Variants in PABPN1L observed in about 807,000 individuals in gnomAD.
PABPN1L encodes embryonic polyadenylate-binding protein 2.
A neutral mutation model predicts 34.0 loss-of-function variants in PABPN1L; 45 were observed. That is an observed-to-expected ratio of 1.32 (90% CI 1.04 to 1.70). The LOEUF is 1.70. PABPN1L is among the 40% of genes most tolerant of loss of function. The pLI is 0.00. For synonymous variants in PABPN1L, 182 were observed against 152.1 expected (o/e 1.20, Z -1.45); for missense variants, 459 against 367.8 (o/e 1.25, Z -2.03).
At chr16:88,865,275 G>C in intron 3 of PABPN1L, 147 bp from the exon 4 acceptor site, 1 of 829,718 alleles carries the variant, frequency 1.2e-6, no homozygotes, top group Non-Finnish European at 1.9e-6. Context: ...GCTGGGGTTG[G>C]AGGGAAGAGA....
chr16:88,864,123 C>G (rs1243513280), intron 6 of PABPN1L, 114 bp downstream of exon 6: 1 of 1,364,212 alleles, frequency 7.3e-7, no homozygotes, highest in Non-Finnish European at 9.7e-7. Context: ...ACCCAGGCCC[C>G]GCCAGGTACA....
chr16:88,866,081 G>A, intron 1 of PABPN1L, 140 bp from the exon 2 acceptor site: 1 of 1,364,720 alleles, frequency 7.3e-7, no homozygotes, highest in Non-Finnish European at 9.7e-7. Flanking sequence ...TCCTTCCTGG[G>A]GCAGCTGGCT....
At chr16:88,864,129 GTACA>G (rs1458974727) in intron 6 of PABPN1L, 104 bp downstream of exon 6, 6 of 1,383,246 alleles carry the variant, frequency 4.3e-6, no homozygotes, top group Non-Finnish European at 5.7e-6. Flanking sequence ...GCCCCGCCAG[GTACA>G]TTCCTGCAGC....
upstream of PABPN1L, among the ~76,000 whole-genome samples, chr16:88,867,741 T>C (rs7342794): frequency 0.12 from 18,427 of 152,212 alleles, 2,791 homozygotes; most frequent in African/African-American, 0.36. Flanking sequence ...AGGTGACCCG[T>C]GTCCGCCCTT....
chr16:88,864,947 G>T lies in PABPN1L; in HGVS notation c.567-7C>A. 6.3e-7 allele frequency: 1 copy of T among 1,575,084 alleles called. No individual in the cohort carries two copies. ...AAACTCTATGTAGGCATAACTGAGG[G>T]GAGGGGCAGGGAGGGGAGGGGTGAG... On this transcript the variant is annotated splice_polypyrimidine_tract_variant and splice_region_variant and intron_variant, in intron 4 of 6. Coordinates refer to ENST00000419291, the Ensembl canonical transcript of PABPN1L.
chr16:88,866,591 T>A, exon 1 of PABPN1L: 1 of 1,549,300 alleles, frequency 6.5e-7, no homozygotes, highest in South Asian at 1.2e-5. Context: ...AGAGAGCGGC[T>A]CGGGAAGGGC....
At chr16:88,867,462 C>T (rs1370388397), upstream of PABPN1L, among the ~76,000 whole-genome samples, 1 of 152,152 alleles carries the variant, frequency 6.6e-6, no homozygotes, top group Non-Finnish European at 1.5e-5. Context: ...AACTCCTGAC[C>T]TCAGGTGATC....
intron 1 of PABPN1L, 116 bp from the exon 2 acceptor site, chr16:88,866,057 C>T: frequency 2.1e-6 from 3 of 1,418,880 alleles, no homozygotes; most frequent in Middle Eastern, 2.6e-4. Flanking sequence ...CAGCCCTTCT[C>T]TGGACAGGGA....
chr16:88,865,886 G>C lies in PABPN1L; in HGVS notation c.311C>G (p.Pro104Arg), dbSNP rs377143338. The change falls in exon 2 of 7, where the codon CCA (proline) becomes CGA (arginine). Residue 104 changes from proline (P) to arginine (R), a missense_variant. Physicochemically the swap from Pro to Arg is moderately radical, Grantham distance 103. Coordinates refer to ENST00000419291, the Ensembl canonical transcript of PABPN1L. Reference sequence around the variant, plus strand: ...CTGTTGCTGCACTCCTGGAGGCCGTGGCGTCCCCTCGGCCTGCTCCATGGC... The same window carrying C: ...CTGTTGCTGCACTCCTGGAGGCCGTCGCGTCCCCTCGGCCTGCTCCATGGC... The C allele has an allele frequency of 3.1e-6, 5 of 1,609,760 alleles. No homozygotes were observed. In the Admixed American group the frequency reaches 6.7e-5, roughly 22 times the overall value.
intron 2 of PABPN1L, 32 bp from the exon 3 acceptor site, chr16:88,865,662 C>A (rs1177492126): frequency 1.3e-6 from 2 of 1,581,420 alleles, no homozygotes; most frequent in Admixed American, 3.5e-5. Flanking sequence ...CCCGCAGGCC[C>A]TTGGTTCCTT....
intron 3 of PABPN1L, 70 bp from the exon 4 acceptor site, chr16:88,865,198 T>C (rs1968560845): frequency 1.7e-5 from 25 of 1,483,864 alleles, no homozygotes; most frequent in Non-Finnish European, 2.2e-5. Context: ...TTGTTAGAGG[T>C]GAGGAAAGAA....
intron 6 of PABPN1L, 119 bp downstream of exon 6, chr16:88,864,118 G>A (rs1968518957): frequency 6.7e-6 from 9 of 1,335,740 alleles, no homozygotes; most frequent in Non-Finnish European, 7.9e-6. Context: ...CCCTCACCCA[G>A]GCCCCGCCAG....
rs1372268157 is a variant in PABPN1L, at chr16:88,864,795, G to A, written c.654+58C>T. ...CAGCTGGGGCTGCTGTGTGTCCCAGGGCCAGTGGGCCAGCCCCTCTGCGCT... is the reference window on the plus strand; with the variant it reads ...CAGCTGGGGCTGCTGTGTGTCCCAGAGCCAGTGGGCCAGCCCCTCTGCGCT... On this transcript the variant is annotated intron_variant, in intron 5 of 6. Transcript: ENST00000419291. The A allele has an allele frequency of 3.3e-6, 5 of 1,496,632 alleles. No homozygotes were observed. In the Admixed American group the frequency reaches 9.7e-5, roughly 29 times the overall value. 92.7% of individuals were successfully genotyped at this position (1,496,632 alleles called of 1,614,324 possible). A position where few individuals can be genotyped will look rare whatever the true frequency, so the allele number is the denominator to read the frequency against.
intron 5 of PABPN1L, 59 bp from the exon 6 acceptor site, chr16:88,864,438 C>T: frequency 8.0e-6 from 12 of 1,493,858 alleles, no homozygotes; most frequent in Non-Finnish European, 8.9e-6. Flanking sequence ...CAGCTCACAG[C>T]CCCCGCAGCC....
At chr16:88,866,224 G>C in intron 1 of PABPN1L, 128 bp downstream of exon 1, 1 of 1,395,802 alleles carries the variant, frequency 7.2e-7, no homozygotes, top group Non-Finnish European at 9.5e-7. Context: ...CCTTCGTCCA[G>C]GCAGGTGGGC....
chr16:88,864,973 G>A (rs745966095), intron 4 of PABPN1L, 33 bp from the exon 5 acceptor site: 1 of 1,602,778 alleles, frequency 6.2e-7, no homozygotes, highest in African/African-American at 1.3e-5. Flanking sequence ...GAGGGGTGAG[G>A]CTGGGCCCTG....
intron 3 of PABPN1L, 78 bp downstream of exon 3, chr16:88,865,485 C>T: frequency 1.3e-6 from 2 of 1,538,702 alleles, no homozygotes; most frequent in Non-Finnish European, 1.8e-6. Flanking sequence ...GCTGCCTGGC[C>T]CATGGCCGGG....
chr16:88,864,719 G>C, intron 5 of PABPN1L, 134 bp downstream of exon 5: 1 of 1,068,642 alleles, frequency 9.4e-7, no homozygotes, highest in Non-Finnish European at 1.4e-6. Flanking sequence ...GCCACATCCT[G>C]TCCAGGCCCA....
In PABPN1L at chr16:88,865,009, G is replaced by C; in HGVS notation, c.566+13C>G. On this transcript the variant is annotated intron_variant, in intron 4 of 6. Coordinates refer to ENST00000419291, the Ensembl canonical transcript of PABPN1L. Reference sequence around the variant, plus strand: ...TCCGCATGGCCAGTGCCCCCACCAGGCCCCACACTGACCCCTTGGGGTGTC... The same window carrying C: ...TCCGCATGGCCAGTGCCCCCACCAGCCCCCACACTGACCCCTTGGGGTGTC... 6.3e-7 allele frequency: 1 copy of C among 1,599,080 alleles called. No individual in the cohort carries two copies. The highest frequency in any genetic ancestry group is 8.5e-7 in the Non-Finnish European group (1 of 1,173,512).
Sources: allele counts gnomAD v4.1 joint callset (sites outside exome capture counted in the v4.1 genomes callset), GRCh38; gene constraint gnomAD v4.1.1; transcripts MANE v1.5; gene names NCBI Gene and HGNC (gene_info 2026-07-23, HGNC 2026-07-21).